ATP13A3: variants seen among roughly 807,000 people sequenced by gnomAD.
The protein encoded by ATP13A3 is polyamine-transporting ATPase 13A3.
ATP13A3 carries 59 observed loss-of-function variants against 158.1 expected under a neutral mutation model. The observed-to-expected ratio is 0.37, with a 90% CI of 0.30 to 0.46. The LOEUF is 0.46. ATP13A3 is among the 20% of genes least tolerant of loss of function. The pLI, the probability that ATP13A3 is intolerant of heterozygous loss-of-function variation, is 1.00. For synonymous variants in ATP13A3, 491 were observed against 504.3 expected, an observed-to-expected ratio of 0.97 and a Z score of 0.35; for missense variants, 1,166 against 1,525.2, an observed-to-expected ratio of 0.76 and a Z score of 3.92.
intron 9 of ATP13A3, 36 bp downstream of exon 9, chr3:194,454,222 A>G (rs1156421133): frequency 6.5e-7 from 1 of 1,550,098 alleles, no homozygotes; most frequent in Admixed American, 1.8e-5. Flanking sequence ...CAAAATACAA[A>G]TACAGTTGTG....
intron 15 of ATP13A3, among the ~76,000 whole-genome samples, chr3:194,443,925 A>G (rs1438460755): frequency 6.6e-6 from 1 of 152,196 alleles, no homozygotes; most frequent in Non-Finnish European, 1.5e-5. Flanking sequence ...ATAAACACAC[A>G]ATACACAGAA....
intron 20 of ATP13A3, among the ~76,000 whole-genome samples, chr3:194,434,938 A>G (rs1464985931): frequency 2.0e-5 from 3 of 152,182 alleles, no homozygotes; most frequent in Non-Finnish European, 4.4e-5. Context: ...ACAAACAAAA[A>G]AAGAAAACAA....
At chr3:194,415,309 A>G (rs1179990312) in intron 31 of ATP13A3, among the ~76,000 whole-genome samples, 1 of 152,210 alleles carries the variant, frequency 6.6e-6, no homozygotes, top group Non-Finnish European at 1.5e-5. Context: ...GCAGGGGAAG[A>G]TGCCAGATTA....
intron 2 of ATP13A3, among the ~76,000 whole-genome samples, chr3:194,481,836 A>G (rs1349730719): frequency 6.6e-6 from 1 of 152,208 alleles, no homozygotes; most frequent in Non-Finnish European, 1.5e-5. Context: ...GTGTCAATTG[A>G]TCATTTAAAA....
At chr3:194,420,621 G>C (rs1716221834) in intron 30 of ATP13A3, among the ~76,000 whole-genome samples, 1 of 152,052 alleles carries the variant, frequency 6.6e-6, no homozygotes, top group African/African-American at 2.4e-5. Context: ...CTTGCTATGG[G>C]AGCTGGGAAT....
intron 31 of ATP13A3, among the ~76,000 whole-genome samples, chr3:194,417,672 C>T (rs921491195): frequency 6.6e-6 from 1 of 152,104 alleles, no homozygotes; most frequent in Admixed American, 6.5e-5. Context: ...GGCGCCATGG[C>T]TCATGCCTGT....
chr3:194,444,809 T>C (rs913968469), intron 14 of ATP13A3, 23 bp from the exon 15 acceptor site: 1 of 1,576,130 alleles, frequency 6.3e-7, no homozygotes, highest in African/African-American at 1.4e-5. Context: ...AAAGCACACA[T>C]GCACAAAGTA....
At chr3:194,453,164 A>C (rs1718932159) in intron 10 of ATP13A3, 1 of 151,928 alleles carries the variant, frequency 6.6e-6, no homozygotes, top group South Asian at 2.1e-4. Flanking sequence ...AAAGAGAAAA[A>C]ATTAGCCAGG....
rs1720991288 is a variant in ATP13A3, at chr3:194,486,635, G to A, written c.-158C>T. 6.7e-6 allele frequency: 1 copy of A among 148,850 alleles called. No homozygotes were observed. Among genetic ancestry groups the A allele is most frequent in the Non-Finnish European group, 1.5e-5 (1 of 66,770 alleles). The allele number at this position is 148,850 out of a possible 1,614,324, so 9.2% of individuals were successfully genotyped here. ...TCCCTCGCGGCCGGACCAGCCCCAG[G>A]GACCGCGGGGGACCCGGCCGCCGCT... On this transcript the variant is annotated 5_prime_UTR_variant, in exon 1 of 34. Transcript: ENST00000645319.
chr3:194,460,455 T>C (rs1484574974), intron 4 of ATP13A3, among the ~76,000 whole-genome samples: 2 of 152,208 alleles, frequency 1.3e-5, no homozygotes, highest in African/African-American at 4.8e-5. Flanking sequence ...GGGGTGAATC[T>C]GATCATCTTT....
At chr3:194,455,848 T>C (rs369530192) in intron 8 of ATP13A3, 45 bp downstream of exon 8, 5 of 1,138,248 alleles carry the variant, frequency 4.4e-6, no homozygotes, top group African/African-American at 3.2e-5. Context: ...AATTGACACA[T>C]CCATTGATCA....
intron 30 of ATP13A3, among the ~76,000 whole-genome samples, chr3:194,421,114 G>GTA (rs1553796302): frequency 0.11 from 919 of 8,076 alleles, 31 homozygotes; most frequent in Non-Finnish European, 0.16. Flanking sequence ...TGTGTAGGGT[G>GTA]TATATATATA....
At chr3:194,429,352 A>G (rs1717048399) in intron 27 of ATP13A3, among the ~76,000 whole-genome samples, 1 of 152,242 alleles carries the variant, frequency 6.6e-6, no homozygotes, top group Non-Finnish European at 1.5e-5. Flanking sequence ...ACAAACGGTC[A>G]AATGGGATAG....
intron 8 of ATP13A3, among the ~76,000 whole-genome samples, chr3:194,455,305 C>T (rs1719146381): frequency 6.6e-6 from 1 of 152,018 alleles, no homozygotes; most frequent in Non-Finnish European, 1.5e-5. Context: ...CATTAAACAC[C>T]CCCCACCCAA....
chr3:194,405,744 G>A lies in ATP13A3; in HGVS notation c.*175C>T, dbSNP rs1714885354. 3 of 649,134 alleles carry A rather than the reference G, an allele frequency of 4.6e-6. No individual in the cohort carries two copies. Among genetic ancestry groups the A allele is most frequent in the Admixed American group, 3.0e-5 (1 of 33,586 alleles). The allele number at this position is 649,134 out of a possible 1,614,324, so 40.2% of individuals were successfully genotyped here. On this transcript the variant is annotated 3_prime_UTR_variant, in exon 34 of 34. Transcript: ENST00000645319. ...GGATTGATTGTTAATTTAACTGTTA[G>A]GACGATATATTTTTCTGTTTTTATT...
chr3:194,444,941 C>T (rs556260038), intron 14 of ATP13A3, among the ~76,000 whole-genome samples, 155 bp from the exon 15 acceptor site: 2 of 151,956 alleles, frequency 1.3e-5, no homozygotes, highest in Admixed American at 1.3e-4. Context: ...CAGGCAAGAT[C>T]CCTGACAGAG....
chr3:194,433,861 A>C lies in ATP13A3; in HGVS notation c.2156T>G (p.Leu719Ter). 1 of 1,613,860 alleles carries C rather than the reference A, an allele frequency of 6.2e-7. No homozygotes were observed. The highest frequency in any genetic ancestry group is 1.1e-5 in the South Asian group (1 of 91,068). The change falls in exon 21 of 34, where the codon TTA becomes TGA. Residue 719 changes from leucine to a stop codon, truncating the protein, a stop_gained. Coordinates refer to ENST00000645319, the MANE Select transcript of ATP13A3 (RefSeq NM_001367549.1). LOFTEE classifies it high-confidence loss of function. ...CTTTAATTTGTTCTGCATTATAATT[A>C]ATCCCATAAAATCCATGTTGTTCTC... ...AIENNMDFMG[L>*]IIMQNKLKQE... is the part of the protein sequence containing the mutation.
chr3:194,413,197 C>G (rs1715567637), intron 32 of ATP13A3: 1 of 154,806 alleles, frequency 6.5e-6, no homozygotes. Context: ...ACACAATATA[C>G]AGTGAATCAA....
At position 194,457,113 on chromosome 3, in the gene ATP13A3, T is replaced by C. The variant is rs772861128; in HGVS notation, c.541A>G (p.Lys181Glu). ...IYEKHSAGLT[K>E]GMHAYRKLLY... ...AATTACCTGTAGGCATGCATCCCCT[T>C]TGTCAGTCCTGCACTATGCTTTTCA... The change falls in exon 7 of 34, where the codon AAG (lysine) becomes GAG (glutamate). Residue 181 changes from lysine (K) to glutamate (E), a missense_variant. Coordinates refer to ENST00000645319, the MANE Select transcript of ATP13A3 (RefSeq NM_001367549.1). 6.2e-7 allele frequency: 1 copy of C among 1,612,946 alleles called. No homozygotes were observed. The highest frequency in any genetic ancestry group is 1.7e-5 in the Admixed American group (1 of 59,908).
Sources: allele counts gnomAD v4.1 joint callset (sites outside exome capture counted in the v4.1 genomes callset), GRCh38; gene constraint gnomAD v4.1.1; transcripts MANE v1.5; gene names NCBI Gene and HGNC (gene_info 2026-07-23, HGNC 2026-07-21).